SERINC1: variants seen among roughly 807,000 people sequenced by gnomAD.
SERINC1 encodes the protein serine incorporator 1.
In SERINC1, 38 loss-of-function variants were observed where a neutral mutation model predicts 52.9. That is an observed-to-expected ratio of 0.72 (90% CI 0.55 to 0.94). SERINC1 has a LOEUF of 0.94. Ranked by LOEUF, SERINC1 falls within the 40% of genes least tolerant of loss-of-function variation. The pLI is 0.00. For missense variants in SERINC1, 471 were observed against 533.9 expected (o/e 0.88, Z 1.16); for synonymous variants, 198 against 183.1 (o/e 1.08, Z -0.66).
chr6:122,451,419 C>T (rs1314486279), intron 7 of SERINC1, among the ~76,000 whole-genome samples: 1 of 152,082 alleles, frequency 6.6e-6, no homozygotes, highest in African/African-American at 2.4e-5. Flanking sequence ...TACTGTGATG[C>T]TTGTTTCATT....
At chr6:122,469,470 G>A (rs1775239046) in intron 1 of SERINC1, among the ~76,000 whole-genome samples, 1 of 150,182 alleles carries the variant, frequency 6.7e-6, no homozygotes, top group African/African-American at 2.5e-5. Flanking sequence ...TCCGCCTCCT[G>A]GGCTTAAGAG....
chr6:122,462,377 A>G (rs190101393), intron 1 of SERINC1, among the ~76,000 whole-genome samples: 4 of 152,316 alleles, frequency 2.6e-5, no homozygotes, highest in Admixed American at 1.3e-4. Context: ...CAATATAATG[A>G]GGCAAGAAAG....
chr6:122,454,038 A>G, intron 4 of SERINC1, 113 bp downstream of exon 4: 1 of 1,100,318 alleles, frequency 9.1e-7, no homozygotes, highest in Non-Finnish European at 1.3e-6. Context: ...CTGGGGAAAC[A>G]CACACACACA....
rs1265222622 is a variant in SERINC1, at chr6:122,446,903, T to G, written c.1097A>C (p.Glu366Ala). 1.2e-6 allele frequency: 2 copies of G among 1,612,948 alleles called. No homozygotes were observed. The highest frequency in any genetic ancestry group is 1.3e-5 in the African/African-American group (1 of 74,898). The change falls in exon 9 of 10, where the codon GAG (glutamate) becomes GCG (alanine). Residue 366 changes from glutamate (E) to alanine (A), a missense_variant. Transcript: ENST00000339697. ...DGGARSDGSL[E>A]DGDDVHRAVD... ...AGCTCGGTGAACATCGTCCCCATCC[T>G]CCAGTGATCCATCACTTCTAGCTCC... is the stretch of plus-strand genomic sequence containing the variant.
At chr6:122,471,633 C>T (rs1345213573) in intron 1 of SERINC1, 66 bp downstream of exon 1, 174 of 1,606,100 alleles carry the variant, frequency 1.1e-4, no homozygotes, top group Non-Finnish European at 1.4e-4. Flanking sequence ...CACCCAGCCC[C>T]GGCTCGGATC....
chr6:122,457,661 A>G (rs1299466159), intron 2 of SERINC1, among the ~76,000 whole-genome samples: 3 of 152,140 alleles, frequency 2.0e-5, no homozygotes, highest in African/African-American at 7.2e-5. Flanking sequence ...TAAACCAGGA[A>G]TAAGATCCTC....
intron 1 of SERINC1, among the ~76,000 whole-genome samples, chr6:122,461,424 C>T (rs184633747): frequency 1.3e-4 from 19 of 148,720 alleles, no homozygotes; most frequent in Admixed American, 6.1e-4. Flanking sequence ...GAATTTTGTA[C>T]GCATATTCTC....
chr6:122,450,419 G>A (rs1240888525), intron 7 of SERINC1, among the ~76,000 whole-genome samples: 1 of 152,060 alleles, frequency 6.6e-6, no homozygotes, highest in Non-Finnish European at 1.5e-5. Flanking sequence ...GATGCACCTG[G>A]GTCACCCAAA....
intron 9 of SERINC1, among the ~76,000 whole-genome samples, chr6:122,446,362 GAATC>G (rs1212543679): frequency 1.3e-5 from 2 of 151,760 alleles, no homozygotes; most frequent in African/African-American, 4.8e-5. Context: ...AGAATTCTAA[GAATC>G]TATCTACATT....
At position 122,444,955 on chromosome 6, in the gene SERINC1, G is replaced by A; in HGVS notation, c.*89C>T. The A allele has an allele frequency of 1.5e-6, 2 of 1,305,904 alleles. No individual in the cohort carries two copies. The highest frequency in any genetic ancestry group is 2.1e-6 in the Non-Finnish European group (2 of 944,146). 80.9% of individuals were successfully genotyped at this position (1,305,904 alleles called of 1,614,324 possible). A position where few individuals can be genotyped will look rare whatever the true frequency, so the allele number is the denominator to read the frequency against. On this transcript the variant is annotated 3_prime_UTR_variant, in exon 10 of 10. Transcript: ENST00000339697. ...GAACACTGGAGAAGTTACATGGGAA[G>A]CAAAAACATACACAACTTTACAAAA...
chr6:122,451,790 T>C (rs1302998299), intron 6 of SERINC1, 36 bp from the exon 7 acceptor site: 1 of 399,498 alleles, frequency 2.5e-6, no homozygotes, highest in Non-Finnish European at 3.8e-6. Context: ...TATATATATA[T>C]ATATAGCAAC....
intron 1 of SERINC1, 48 bp from the exon 2 acceptor site, chr6:122,458,729 A>T: frequency 7.8e-7 from 1 of 1,279,488 alleles, no homozygotes; most frequent in Non-Finnish European, 1.1e-6. Context: ...TCAGTAAATC[A>T]CTATATCTTA....
intron 6 of SERINC1, 30 bp downstream of exon 6, chr6:122,451,858 T>G (rs775386380): frequency 7.0e-7 from 1 of 1,430,296 alleles, no homozygotes; most frequent in Admixed American, 2.7e-5. Flanking sequence ...GGTATAAGCT[T>G]CATAAAAACT....
At chr6:122,471,269 C>T (rs1775289549) in intron 1 of SERINC1, among the ~76,000 whole-genome samples, 1 of 151,950 alleles carries the variant, frequency 6.6e-6, no homozygotes, top group Admixed American at 6.6e-5. Context: ...AACGACAGTG[C>T]GGCAGTCTGA....
chr6:122,451,892 A>AT lies in SERINC1; in HGVS notation c.754dup (p.Ile252AsnfsTer31). ...CTAATGCTTTAAAGGGCATACTTGG[A>AT]TTTTTGGCAGTATAGACATTACAGA... On this transcript the variant is annotated frameshift_variant, in exon 6 of 10. Coordinates refer to ENST00000339697, the MANE Select transcript of SERINC1 (RefSeq NM_020755.4). LOFTEE classifies it high-confidence loss of function. The AT allele has an allele frequency of 6.6e-7, 1 of 1,525,790 alleles. No homozygotes were observed. The highest frequency in any genetic ancestry group is 8.8e-7 in the Non-Finnish European group (1 of 1,141,036). The allele number at this position is 1,525,790 out of a possible 1,614,324, so 94.5% of individuals were successfully genotyped here.
chr6:122,450,547 T>A (rs766760312), intron 7 of SERINC1, among the ~76,000 whole-genome samples: 3 of 152,190 alleles, frequency 2.0e-5, no homozygotes, highest in Non-Finnish European at 4.4e-5. Flanking sequence ...ATTTAAGAAA[T>A]ATATTTTGTA....
chr6:122,453,146 T>C (rs1359454829), intron 5 of SERINC1, among the ~76,000 whole-genome samples: 2 of 152,214 alleles, frequency 1.3e-5, no homozygotes, highest in East Asian at 1.9e-4. Flanking sequence ...ACAAAGCTTA[T>C]GCACTTAAAC....
rs553346514 is a variant in SERINC1 at position 122,464,558 on chromosome 6, T to C, written c.40-5877A>G. 3.3e-5 allele frequency among the ~76,000 whole-genome samples: 5 copies of C among 152,270 alleles called. No individual in the cohort carries two copies. The East Asian group carries it at 9.6e-4, about 29-fold the overall frequency. ...GAAACCAGGCTGATATAAGACAGAATACGAAAGAGAAATAACTACAAAGTT... is the reference window on the plus strand; with the variant it reads ...GAAACCAGGCTGATATAAGACAGAACACGAAAGAGAAATAACTACAAAGTT... On this transcript the variant is annotated intron_variant, in intron 1 of 9. Coordinates refer to ENST00000339697, the MANE Select transcript of SERINC1 (RefSeq NM_020755.4).
chr6:122,460,491 G>C (rs1458820102), intron 1 of SERINC1, among the ~76,000 whole-genome samples: 1 of 152,134 alleles, frequency 6.6e-6, no homozygotes, highest in African/African-American at 2.4e-5. Context: ...GATATCAGAA[G>C]GCAATTAATA....
Sources: gnomAD v4.1 joint callset for allele counts (sites outside exome capture counted in the v4.1 genomes callset) on GRCh38, gnomAD v4.1.1 for gene constraint, MANE v1.5 for transcripts, NCBI Gene and HGNC (gene_info 2026-07-23, HGNC 2026-07-21) for gene names.